Variants in SLC24A3 observed in about 807,000 individuals in gnomAD.
SLC24A3 encodes the protein solute carrier family 24 member 3, also known as sodium/potassium/calcium exchanger 3.
Under a neutral mutation model 75.8 loss-of-function variants are expected in SLC24A3, and 28 were observed. That is an observed-to-expected ratio of 0.37 (90% confidence interval 0.27 to 0.51). The LOEUF is 0.51. Ranked by LOEUF, SLC24A3 falls within the 20% of genes least tolerant of loss-of-function variation. The pLI is 0.94. For missense variants in SLC24A3, 663 were observed against 847.8 expected (o/e 0.78, Z 2.71); for synonymous variants, 372 against 334.1 (o/e 1.11, Z -1.24).
At chr20:19,370,540 G>A (rs1222296228) in intron 2 of SLC24A3, among the ~76,000 whole-genome samples, 6 of 152,350 alleles carry the variant, frequency 3.9e-5, no homozygotes, top group East Asian at 3.9e-4. Flanking sequence ...CAGACAGTCC[G>A]TGGATTGGAG....
intron 9 of SLC24A3, 86 bp from the exon 10 acceptor site, chr20:19,681,770 GGA>G: frequency 6.2e-7 from 1 of 1,600,930 alleles, no homozygotes; most frequent in South Asian, 1.1e-5. Flanking sequence ...ATGCAGACTG[GGA>G]GAGCTCTCAG....
chr20:19,316,004 C>T (rs939336941), intron 2 of SLC24A3, among the ~76,000 whole-genome samples: 1 of 152,150 alleles, frequency 6.6e-6, no homozygotes, highest in African/African-American at 2.4e-5. Flanking sequence ...TGTTGAACGT[C>T]TCATAGATCT....
At chr20:19,577,993 A>ACATATATGT (rs2031165198) in intron 3 of SLC24A3, among the ~76,000 whole-genome samples, 2 of 152,218 alleles carry the variant, frequency 1.3e-5, no homozygotes, top group Non-Finnish European at 2.9e-5. Context: ...TTACGATCTT[A>ACATATATGT]TGGAAGAGAC....
chr20:19,345,356 T>C (rs1421085994), intron 2 of SLC24A3, among the ~76,000 whole-genome samples: 1 of 152,210 alleles, frequency 6.6e-6, no homozygotes, highest in Non-Finnish European at 1.5e-5. Context: ...AATGTAATTG[T>C]AGTAAAAATC....
At chr20:19,593,489 A>C (rs1308285418) in intron 6 of SLC24A3, among the ~76,000 whole-genome samples, 1 of 152,190 alleles carries the variant, frequency 6.6e-6, no homozygotes, top group African/African-American at 2.4e-5. Context: ...TGTGGCAGGC[A>C]CTGTCTCGCA....
intron 7 of SLC24A3, among the ~76,000 whole-genome samples, chr20:19,663,455 TTCC>T (rs1192872735): frequency 6.8e-4 from 18 of 26,458 alleles, no homozygotes; most frequent in African/African-American, 2.6e-3. Flanking sequence ...CCTCCTCCAC[TTCC>T]TCCTCCTCCT....
At chr20:19,502,621 C>G (rs1988400717) in intron 2 of SLC24A3, among the ~76,000 whole-genome samples, 1 of 152,064 alleles carries the variant, frequency 6.6e-6, no homozygotes, top group Admixed American at 6.6e-5. Flanking sequence ...CTTGTAATTA[C>G]AATCCTCTGA....
At chr20:19,620,328 G>C (rs186334512) in intron 6 of SLC24A3, among the ~76,000 whole-genome samples, 5 of 152,136 alleles carry the variant, frequency 3.3e-5, no homozygotes, top group African/African-American at 7.2e-5. Context: ...ATCTTTTTTG[G>C]GGGGGAAAGC....
At chr20:19,328,190 G>A (rs1015202961) in intron 2 of SLC24A3, among the ~76,000 whole-genome samples, 2 of 152,060 alleles carry the variant, frequency 1.3e-5, no homozygotes, top group Non-Finnish European at 2.9e-5. Context: ...GAATGGCACA[G>A]AGGGTCAGTG....
At chr20:19,292,130 T>C (rs1357578981) in intron 2 of SLC24A3, among the ~76,000 whole-genome samples, 1 of 152,196 alleles carries the variant, frequency 6.6e-6, no homozygotes, top group East Asian at 1.9e-4. Flanking sequence ...CTCAAAGCCT[T>C]GGTTCCCTTC....
chr20:19,652,365 A>G (rs1473117274), intron 6 of SLC24A3, among the ~76,000 whole-genome samples: 1 of 152,246 alleles, frequency 6.6e-6, no homozygotes, highest in Non-Finnish European at 1.5e-5. Flanking sequence ...TGATTATAAT[A>G]AAGTGAATAA....
intron 6 of SLC24A3, among the ~76,000 whole-genome samples, chr20:19,597,373 T>G (rs1226347919): frequency 6.6e-6 from 1 of 151,968 alleles, no homozygotes; most frequent in East Asian, 1.9e-4. Context: ...GGCAACAGAG[T>G]GAAATAACCC....
Position 19,518,920 on chromosome 20 carries a change from C to T in SLC24A3, c.348+3356C>T, listed in dbSNP as rs531397021. 1.8e-4 allele frequency among the ~76,000 whole-genome samples: 27 copies of T among 152,296 alleles called. No individual in the cohort carries two copies. In the South Asian group the frequency reaches 5.4e-3, roughly 30 times the overall value. ...CCAGAAGGGAATGTGGAGGACAGAA[C>T]GACCCCAGGAGGCTGTCTCTAGGCT... On this transcript the variant is annotated intron_variant, in intron 3 of 16. Coordinates refer to ENST00000328041, the MANE Select transcript of SLC24A3 (RefSeq NM_020689.4).
chr20:19,642,434 G>A (rs1240173673), intron 6 of SLC24A3, among the ~76,000 whole-genome samples: 1 of 152,146 alleles, frequency 6.6e-6, no homozygotes, highest in Non-Finnish European at 1.5e-5. Flanking sequence ...AAGTGCATAG[G>A]CAGCACTCTT....
chr20:19,302,562 T>C (rs1444809042), intron 2 of SLC24A3, among the ~76,000 whole-genome samples: 1 of 152,250 alleles, frequency 6.6e-6, no homozygotes, highest in Non-Finnish European at 1.5e-5. Flanking sequence ...TCCTTTTTAT[T>C]TGCCTTGTCA....
intron 8 of SLC24A3, among the ~76,000 whole-genome samples, chr20:19,668,366 C>T (rs1036779017): frequency 1.3e-5 from 2 of 152,140 alleles, no homozygotes; most frequent in South Asian, 2.1e-4. Flanking sequence ...TGAAATGGTG[C>T]GTCTAGGTGC....
chr20:19,430,054 G>C (rs1465752890), intron 2 of SLC24A3, among the ~76,000 whole-genome samples: 1 of 152,188 alleles, frequency 6.6e-6, no homozygotes, highest in Non-Finnish European at 1.5e-5. Flanking sequence ...TGAGTCCCAA[G>C]GGGGAGAGGG....
chr20:19,703,053 G>C (rs1421817526), intron 15 of SLC24A3, among the ~76,000 whole-genome samples: 1 of 152,186 alleles, frequency 6.6e-6, no homozygotes, highest in South Asian at 2.1e-4. Flanking sequence ...GATCAACCTG[G>C]TGAACTGAAT....
intron 2 of SLC24A3, among the ~76,000 whole-genome samples, chr20:19,321,328 T>C (rs1367006195): frequency 6.6e-6 from 1 of 152,134 alleles, no homozygotes; most frequent in African/African-American, 2.4e-5. Context: ...AGCACTTGAG[T>C]GATGGAGCGA....
Sources: allele counts gnomAD v4.1 joint callset (sites outside exome capture counted in the v4.1 genomes callset), GRCh38; gene constraint gnomAD v4.1.1; transcripts MANE v1.5; gene names NCBI Gene and HGNC (gene_info 2026-07-23, HGNC 2026-07-21).